OTOGL: variants seen among roughly 807,000 people sequenced by gnomAD.
OTOGL encodes otogelin-like protein.
OTOGL carries 285 observed loss-of-function variants against 318.5 expected under a neutral mutation model. The observed-to-expected ratio is 0.89, with a 90% CI of 0.81 to 0.99. The LOEUF (loss-of-function observed/expected upper bound fraction) is 0.99, where lower values mean the gene tolerates loss of function less well. Among genes scored for constraint, OTOGL ranks in the 50% least tolerant of loss-of-function variants. The pLI is 0.00. For missense variants in OTOGL, 2,899 were observed against 2,845.6 expected, an observed-to-expected ratio of 1.02 and a Z score of -0.43; for synonymous variants, 987 against 936.5, an observed-to-expected ratio of 1.05 and a Z score of -0.99.
rs184672151 is a variant in OTOGL, at chr12:80,258,235, G to A, written c.1889+233G>A. Among the ~76,000 whole-genome samples, 202 of 152,184 alleles carry A rather than the reference G, an allele frequency of 1.3e-3. 4 individuals are homozygous for A. The highest frequency in any genetic ancestry group is 0.013 in the Admixed American group (202 of 15,254). ...CAAATAAATCATTCAAGGTCACTTAGCTCACATGTAGTGGAGCTAGGCTTT... is the reference window on the plus strand; with the variant it reads ...CAAATAAATCATTCAAGGTCACTTAACTCACATGTAGTGGAGCTAGGCTTT... On this transcript the variant is annotated intron_variant, in intron 18 of 58. Transcript: ENST00000547103.
chr12:80,329,109 C>A lies in OTOGL; in HGVS notation c.4338C>A (p.Pro1446=). 6.5e-7 allele frequency: 1 copy of A among 1,535,222 alleles called. No homozygotes were observed. Among genetic ancestry groups the A allele is most frequent in the Non-Finnish European group, 8.7e-7 (1 of 1,150,816 alleles). The change falls in exon 37 of 59, where the codon CCC becomes CCA. Residue 1446 remains proline (P), a synonymous_variant. Transcript: ENST00000547103. ...TLMPPAKPTV[P]MFTVWEMITP... ...TGCCACCAGCTAAGCCAACTGTGCC[C>A]ATGTTTACAGGTATTGTTATAATTT... is the stretch of plus-strand genomic sequence containing the variant.
Position 80,366,640 on chromosome 12 carries a change from A to T in OTOGL, c.6331+3A>T, listed in dbSNP as rs1384622509. 1 of 1,362,022 alleles carries T rather than the reference A, an allele frequency of 7.3e-7. No homozygotes were observed. The highest frequency in any genetic ancestry group is 9.6e-7 in the Non-Finnish European group (1 of 1,039,102). 84.4% of individuals were successfully genotyped at this position (1,362,022 alleles called of 1,614,324 possible). The stretch of plus-strand genomic sequence containing the variant: ...TGGATGCATACAGTATCTCTGTGGT[A>T]ACTATGTCTTTTGTAACTTTTAAAT... On this transcript the variant is annotated splice_donor_region_variant and intron_variant, in intron 53 of 58. Transcript: ENST00000547103.
intron 1 of OTOGL, among the ~76,000 whole-genome samples, chr12:80,140,027 G>A (rs1347886486): frequency 6.6e-6 from 1 of 152,000 alleles, no homozygotes; most frequent in Non-Finnish European, 1.5e-5. Context: ...TAAGCCCTGG[G>A]CAAGAATCCC....
chr12:80,168,026 C>T (rs1009415763), intron 1 of OTOGL, among the ~76,000 whole-genome samples: 6 of 151,578 alleles, frequency 4.0e-5, no homozygotes, highest in African/African-American at 1.5e-4. Context: ...GCAGTGATCT[C>T]GGCTCACTGC....
chr12:80,113,975 C>T (rs963127529), intron 1 of OTOGL, among the ~76,000 whole-genome samples: 9 of 151,906 alleles, frequency 5.9e-5, no homozygotes, highest in African/African-American at 1.9e-4. Context: ...GGTAAATCTT[C>T]CTCCATCTGT....
At chr12:80,359,005 C>A in intron 52 of OTOGL, 105 bp downstream of exon 52, 1 of 947,780 alleles carries the variant, frequency 1.1e-6, no homozygotes. Flanking sequence ...TAAAATTACC[C>A]ACATTAAATT....
chr12:80,372,199 G>A (rs112260272), intron 57 of OTOGL, 135 bp downstream of exon 57: 21 of 560,358 alleles, frequency 3.7e-5, no homozygotes, highest in Middle Eastern at 4.9e-4. Flanking sequence ...TTTTTGTATC[G>A]TATGTTTTTT....
intron 7 of OTOGL, among the ~76,000 whole-genome samples, chr12:80,226,177 A>AACACAC (rs35975748): frequency 0.1 from 13,327 of 132,752 alleles, 809 homozygotes; most frequent in East Asian, 0.15. Context: ...TCCTGCTCCT[A>AACACAC]ACACACACAC....
chr12:80,254,402 T>G lies in OTOGL; in HGVS notation c.1395-122T>G, dbSNP rs561964554. 18 of 518,156 alleles carry G rather than the reference T, an allele frequency of 3.5e-5. No individual in the cohort carries two copies. In the South Asian group the frequency reaches 1.0e-3, roughly 29 times the overall value. The allele number at this position is 518,156 out of a possible 1,614,324, so 32.1% of individuals were successfully genotyped here. A position where few individuals can be genotyped will look rare whatever the true frequency, so the allele number is the denominator to read the frequency against. ...ATTTTATTTTTTGCAGAGATTTTTTTAAGTCAGATTATTCTGAACCTATAA... is the reference window on the plus strand; with the variant it reads ...ATTTTATTTTTTGCAGAGATTTTTTGAAGTCAGATTATTCTGAACCTATAA... On this transcript the variant is annotated intron_variant, in intron 14 of 58. Transcript: ENST00000547103.
intron 10 of OTOGL, 123 bp downstream of exon 10, chr12:80,239,101 T>C (rs566483780): frequency 1.6e-4 from 199 of 1,208,410 alleles, no homozygotes; most frequent in Non-Finnish European, 2.0e-4. Context: ...ATCCAGGAAA[T>C]GTAATTGCAA....
chr12:80,127,141 G>A lies in OTOGL; in HGVS notation c.-20+27536G>A, dbSNP rs193054188. On this transcript the variant is annotated intron_variant, in intron 1 of 58. Transcript: ENST00000547103. ...GATGCAGTTTCTTCCTAGCCTTGAT[G>A]GTCTTTACAATTTGGCATGTTTTTG... Among the ~76,000 whole-genome samples the A allele has an allele frequency of 4.6e-5, 7 of 152,296 alleles. No individual in the cohort carries two copies. In the East Asian group the frequency reaches 1.3e-3, roughly 29 times the overall value.
chr12:80,186,351 A>G lies in OTOGL; in HGVS notation c.-19-23062A>G, dbSNP rs144279633. ...AGCCGCGTCTCTCCCATCAGGTGTC[A>G]TCTTCCCTTTCTCTCTGCCATCCCT... On this transcript the variant is annotated intron_variant, in intron 1 of 58. Transcript: ENST00000547103. Among the ~76,000 whole-genome samples the G allele has an allele frequency of 1.8e-3, 275 of 152,076 alleles. 2 individuals carry two copies. Among genetic ancestry groups the G allele is most frequent in the African/African-American group, 6.5e-3 (269 of 41,494 alleles).
intron 1 of OTOGL, among the ~76,000 whole-genome samples, chr12:80,202,683 C>T (rs1852214527): frequency 6.6e-6 from 1 of 152,038 alleles, no homozygotes; most frequent in Admixed American, 6.6e-5. Context: ...GATTTGGGAA[C>T]CTTGGATTAG....
chr12:80,217,523 A>G, intron 4 of OTOGL, 75 bp from the exon 5 acceptor site: 1 of 1,012,182 alleles, frequency 9.9e-7, no homozygotes, highest in Non-Finnish European at 1.5e-6. Flanking sequence ...GTTATTTTCT[A>G]GATTTGCCAA....
intron 55 of OTOGL, among the ~76,000 whole-genome samples, chr12:80,369,570 A>G (rs1339555804): frequency 6.6e-6 from 1 of 152,054 alleles, no homozygotes; most frequent in Non-Finnish European, 1.5e-5. Context: ...AGTGGCAATA[A>G]AAAGCCTTAT....
intron 7 of OTOGL, among the ~76,000 whole-genome samples, chr12:80,226,221 C>CACACACAG (rs1878837616): frequency 6.7e-6 from 1 of 149,310 alleles, no homozygotes; most frequent in Admixed American, 6.7e-5. Context: ...CACACACACA[C>CACACACAG]ACTTCCCTTC....
intron 57 of OTOGL, among the ~76,000 whole-genome samples, chr12:80,375,472 A>T (rs1043365974): frequency 6.6e-6 from 1 of 152,158 alleles, no homozygotes; most frequent in African/African-American, 2.4e-5. Flanking sequence ...AATATATTCT[A>T]ATATGTCATT....
chr12:80,237,741 A>G (rs1301091573), intron 9 of OTOGL, among the ~76,000 whole-genome samples: 1 of 152,198 alleles, frequency 6.6e-6, no homozygotes. Context: ...GCATTCTTAC[A>G]GATAATAAAG....
At chr12:80,176,469 G>T (rs1874534105) in intron 1 of OTOGL, among the ~76,000 whole-genome samples, 1 of 151,940 alleles carries the variant, frequency 6.6e-6, no homozygotes, top group Non-Finnish European at 1.5e-5. Flanking sequence ...AGATTAGTTT[G>T]CATTTTCTAG....
Sources: gnomAD v4.1 joint callset for allele counts (sites outside exome capture counted in the v4.1 genomes callset) on GRCh38, gnomAD v4.1.1 for gene constraint, MANE v1.5 for transcripts, NCBI Gene and HGNC (gene_info 2026-07-23, HGNC 2026-07-21) for gene names.